UCK2: variants seen among roughly 807,000 people sequenced by gnomAD.
UCK2 encodes the protein cytidine monophosphokinase 2.
UCK2 carries 6 observed loss-of-function variants against 30.8 expected under a neutral mutation model. That is an observed-to-expected ratio of 0.19 (90% CI 0.11 to 0.38). The LOEUF is 0.38. Ranked by LOEUF, UCK2 falls within the 10% of genes least tolerant of loss-of-function variation. UCK2 has a pLI of 1.00. For missense variants in UCK2, 210 were observed against 339.8 expected (o/e 0.62, Z 3.00); for synonymous variants, 125 against 133.6 (o/e 0.94, Z 0.45).
chr1:165,858,986 G>A (rs973016801), intron 1 of UCK2, among the ~76,000 whole-genome samples: 4 of 152,176 alleles, frequency 2.6e-5, no homozygotes, highest in Non-Finnish European at 5.9e-5. Flanking sequence ...CTGTAGATTG[G>A]CATCTGCTGG....
intron 1 of UCK2, among the ~76,000 whole-genome samples, chr1:165,855,023 C>T (rs1023568141): frequency 2.6e-5 from 4 of 152,198 alleles, no homozygotes; most frequent in Non-Finnish European, 5.9e-5. Context: ...GGGACATATT[C>T]TGTAAAGTAG....
intron 1 of UCK2, among the ~76,000 whole-genome samples, chr1:165,882,879 C>T (rs1557844546): frequency 6.6e-6 from 1 of 152,114 alleles, no homozygotes. Context: ...GGCTGGAGTG[C>T]AGTGGCATGA....
intron 4 of UCK2, chr1:165,900,300 G>C (rs1647411907): frequency 6.6e-6 from 1 of 152,218 alleles, no homozygotes; most frequent in Non-Finnish European, 1.5e-5. Flanking sequence ...GTGCTAAGGT[G>C]CCAGCTATGG....
chr1:165,876,808 C>A (rs1655347784), intron 1 of UCK2, among the ~76,000 whole-genome samples: 1 of 152,186 alleles, frequency 6.6e-6, no homozygotes, highest in African/African-American at 2.4e-5. Flanking sequence ...ATGCCTCCGT[C>A]CTGTCTCCCA....
At chr1:165,885,929 C>T (rs1655603084) in intron 1 of UCK2, among the ~76,000 whole-genome samples, 3 of 152,038 alleles carry the variant, frequency 2.0e-5, no homozygotes, top group Admixed American at 2.0e-4. Context: ...TAAAATTTAC[C>T]ATCGTAACCG....
intron 1 of UCK2, among the ~76,000 whole-genome samples, chr1:165,857,900 C>T (rs1238921100): frequency 6.6e-6 from 1 of 152,158 alleles, no homozygotes; most frequent in Non-Finnish European, 1.5e-5. Context: ...TAGATCCTCC[C>T]ACCAGGCCTG....
intron 1 of UCK2, among the ~76,000 whole-genome samples, chr1:165,885,546 A>G (rs1655595603): frequency 6.6e-6 from 1 of 152,236 alleles, no homozygotes; most frequent in African/African-American, 2.4e-5. Context: ...GTAATGTGTT[A>G]GAAGTGGCAG....
chr1:165,896,384 G>A lies in UCK2; in HGVS notation c.499+52G>A, dbSNP rs763280958. The stretch of plus-strand genomic sequence containing the variant: ...CTGTTGGTGGCCACCTTGAGGGCGG[G>A]GGAGCTGGGAGCCTGTGACAGGACC... On this transcript the variant is annotated intron_variant, in intron 4 of 6. Coordinates refer to ENST00000367879, the MANE Select transcript of UCK2 (RefSeq NM_012474.5). The A allele has an allele frequency of 1.9e-6, 3 of 1,604,764 alleles. No homozygotes were observed. In the Admixed American group the frequency reaches 5.0e-5, roughly 27 times the overall value.
chr1:165,903,219 G>A lies in UCK2; in HGVS notation c.537G>A (p.Glu179=), dbSNP rs143431109. 814 of 1,614,118 alleles carry A rather than the reference G, an allele frequency of 5.0e-4. No homozygotes were observed. Among genetic ancestry groups the A allele is most frequent in the Middle Eastern group, 2.5e-3 (15 of 6,060 alleles). The part of the protein sequence containing the change: ...RDISERGRDL[E]QILSQYITFV... ...TCAGCGAGAGAGGCAGGGATCTTGAGCAGATTTTATCTCAGTACATTACGT... is the reference window on the plus strand; with the variant it reads ...TCAGCGAGAGAGGCAGGGATCTTGAACAGATTTTATCTCAGTACATTACGT... The change falls in exon 5 of 7, where the codon GAG becomes GAA. Residue 179 remains glutamate (E), a synonymous_variant. Coordinates refer to ENST00000367879, the MANE Select transcript of UCK2 (RefSeq NM_012474.5).
chr1:165,894,057 AT>A (rs1655832552), intron 3 of UCK2: 1 of 152,184 alleles, frequency 6.6e-6, no homozygotes, highest in Non-Finnish European at 1.5e-5. Flanking sequence ...AGCATTTCAG[AT>A]TTTGGATTTT....
At chr1:165,873,268 T>C (rs1655248655) in intron 1 of UCK2, among the ~76,000 whole-genome samples, 1 of 152,162 alleles carries the variant, frequency 6.6e-6, no homozygotes, top group African/African-American at 2.4e-5. Context: ...CAGTATGCAA[T>C]TGATTGAATA....
Position 165,883,848 on chromosome 1 carries a change from T to C in UCK2, c.100-6356T>C, listed in dbSNP as rs574489004. 5.9e-5 allele frequency among the ~76,000 whole-genome samples: 9 copies of C among 152,356 alleles called. 1 individual carries two copies. Among genetic ancestry groups the C allele is most frequent in the African/African-American group, 2.2e-4 (9 of 41,584 alleles). ...TTTGCAGATATTCCAGGGAAGCATT[T>C]GAGTGACACCTCTCTATTGTGCCAC... On this transcript the variant is annotated intron_variant, in intron 1 of 6. Coordinates refer to ENST00000367879, the MANE Select transcript of UCK2 (RefSeq NM_012474.5).
chr1:165,861,968 T>C (rs1654919983), intron 1 of UCK2, among the ~76,000 whole-genome samples: 1 of 152,234 alleles, frequency 6.6e-6, no homozygotes, highest in Admixed American at 6.5e-5. Flanking sequence ...CCTTGGAAGG[T>C]AGAAGGAGTT....
intron 4 of UCK2, chr1:165,900,493 C>G (rs1285609976): frequency 6.6e-6 from 1 of 152,240 alleles, no homozygotes; most frequent in African/African-American, 2.4e-5. Context: ...GTTTTCCCCC[C>G]AGAGCCCATA....
intron 1 of UCK2, among the ~76,000 whole-genome samples, chr1:165,884,589 C>A (rs184108502): frequency 2.1e-4 from 32 of 152,290 alleles, no homozygotes; most frequent in African/African-American, 7.5e-4. Context: ...GACAAAGAGG[C>A]GACAGAGCTG....
intron 4 of UCK2, among the ~76,000 whole-genome samples, 198 bp downstream of exon 4, chr1:165,896,530 A>C (rs1336914448): frequency 6.6e-6 from 1 of 152,216 alleles, no homozygotes; most frequent in Non-Finnish European, 1.5e-5. Flanking sequence ...GTAACATTTG[A>C]GAAGGGATTA....
At chr1:165,881,620 C>A (rs1375302741) in intron 1 of UCK2, among the ~76,000 whole-genome samples, 1 of 152,082 alleles carries the variant, frequency 6.6e-6, no homozygotes, top group Non-Finnish European at 1.5e-5. Context: ...ATAAGAATAC[C>A]CACTTCATAG....
chr1:165,841,420 G>T (rs923827885), intron 1 of UCK2, among the ~76,000 whole-genome samples: 3 of 152,012 alleles, frequency 2.0e-5, no homozygotes, highest in Non-Finnish European at 2.9e-5. Context: ...CTGACCTCAG[G>T]TGATCCACCC....
At chr1:165,905,998 G>A (rs1260455463) in intron 6 of UCK2, 29 bp downstream of exon 6, 2 of 1,605,460 alleles carry the variant, frequency 1.2e-6, no homozygotes, top group Non-Finnish European at 1.7e-6. Context: ...TCATCCTGGA[G>A]TATAATGTCT....
Sources: gnomAD v4.1 joint callset for allele counts (sites outside exome capture counted in the v4.1 genomes callset) on GRCh38, gnomAD v4.1.1 for gene constraint, MANE v1.5 for transcripts, NCBI Gene and HGNC (gene_info 2026-07-23, HGNC 2026-07-21) for gene names.